Variants in RNF43 observed in about 807,000 individuals in gnomAD.
RNF43 encodes the protein ring finger protein 43.
Under a neutral mutation model 78.4 loss-of-function variants are expected in RNF43, and 37 were observed. The observed-to-expected ratio is 0.47, with a 90% CI of 0.36 to 0.62. The LOEUF (loss-of-function observed/expected upper bound fraction) is 0.62. Ranked by LOEUF, RNF43 falls within the 20% of genes least tolerant of loss-of-function variation. The pLI is 0.00. For missense variants in RNF43, 774 were observed against 1,007.9 expected, an observed-to-expected ratio of 0.77 and a Z score of 3.14; for synonymous variants, 347 against 395.0, an observed-to-expected ratio of 0.88 and a Z score of 1.44.
intron 2 of RNF43, among the ~76,000 whole-genome samples, chr17:58,374,931 G>A (rs1475434079): frequency 6.6e-6 from 1 of 152,046 alleles, no homozygotes; most frequent in African/African-American, 2.4e-5. Flanking sequence ...TGCTGTCTCT[G>A]GGATTGGAAC....
intron 2 of RNF43, among the ~76,000 whole-genome samples, chr17:58,389,587 A>G (rs1420656793): frequency 6.6e-6 from 1 of 152,192 alleles, no homozygotes; most frequent in Non-Finnish European, 1.5e-5. Flanking sequence ...GGAGGCCAAT[A>G]TGCAAAACTG....
At chr17:58,385,462 T>C (rs143571138) in intron 2 of RNF43, among the ~76,000 whole-genome samples, 51 of 152,326 alleles carry the variant, frequency 3.3e-4, no homozygotes, top group Non-Finnish European at 7.2e-4. Context: ...GAGCAAAGAC[T>C]ATGCCATCAC....
At chr17:58,363,132 G>T in intron 5 of RNF43, 143 bp downstream of exon 5, 2 of 1,018,002 alleles carry the variant, frequency 2.0e-6, no homozygotes, top group Non-Finnish European at 2.8e-6. Context: ...TTGCCCAGAG[G>T]CACACAGCTG....
chr17:58,403,643 C>T (rs1024135815), intron 2 of RNF43, among the ~76,000 whole-genome samples: 4 of 152,194 alleles, frequency 2.6e-5, no homozygotes, highest in South Asian at 2.1e-4. Flanking sequence ...TCTGGGAATA[C>T]ACAATGCAGA....
At chr17:58,407,010 C>T (rs1973922256) in intron 2 of RNF43, among the ~76,000 whole-genome samples, 1 of 146,634 alleles carries the variant, frequency 6.8e-6, no homozygotes, top group Non-Finnish European at 1.5e-5. Context: ...AAAGCAACAA[C>T]AACAAACAGG....
intron 2 of RNF43, chr17:58,402,741 G>A (rs1314014396): frequency 6.6e-6 from 1 of 152,174 alleles, no homozygotes; most frequent in Non-Finnish European, 1.5e-5. Flanking sequence ...ACTTAACATG[G>A]TGGTTGTGTC....
rs995358248 is a variant in RNF43, at chr17:58,358,467, G to A, written c.1309C>T (p.Arg437Trp). The A allele has an allele frequency of 1.1e-5, 17 of 1,613,806 alleles. No individual in the cohort carries two copies. The highest frequency in any genetic ancestry group is 4.5e-5 in the East Asian group (2 of 44,894). ...CCACTGCTGTCAGGGGGCCTGGCCC[G>A]GCGTAGGGGCACTGGGCAAGCAGCA... Reference protein sequence around the residue: ...HPAACPVPLRRARPPDSSGSG... With the variant: ...HPAACPVPLRWARPPDSSGSG... The change falls in exon 9 of 10, where the codon CGG becomes TGG. Residue 437 changes from arginine (R) to tryptophan (W), a missense_variant. By Grantham distance (101) the Arg-to-Trp change is moderately radical. Coordinates refer to ENST00000407977, the MANE Select transcript of RNF43 (RefSeq NM_017763.6). The surrounding 1 kb of genome is among the most constrained non-coding windows in gnomAD (Gnocchi z 6.2).
intron 2 of RNF43, among the ~76,000 whole-genome samples, chr17:58,409,727 A>G (rs1371477087): frequency 6.6e-6 from 1 of 152,068 alleles, no homozygotes. Context: ...TCTACAAAAA[A>G]TTGAAATATT....
At chr17:58,381,728 T>A (rs1445049399) in intron 2 of RNF43, among the ~76,000 whole-genome samples, 1 of 152,212 alleles carries the variant, frequency 6.6e-6, no homozygotes, top group African/African-American at 2.4e-5. Context: ...AAGTAAGATA[T>A]ATAAATAGCC....
intron 8 of RNF43, among the ~76,000 whole-genome samples, chr17:58,359,573 C>T (rs2143434054): frequency 6.6e-6 from 1 of 151,484 alleles, no homozygotes; most frequent in African/African-American, 2.4e-5. Flanking sequence ...CACTGCACTC[C>T]AGCCTGGGCG....
Position 58,354,944 on chromosome 17 carries a change from C to T in RNF43, c.2351G>A (p.Ter784=), listed in dbSNP as rs2143364688. The T allele has an allele frequency of 1.2e-6, 2 of 1,614,078 alleles. No homozygotes were observed. Among genetic ancestry groups the T allele is most frequent in the Non-Finnish European group, 1.7e-6 (2 of 1,179,920 alleles). Reference sequence around the variant, plus strand: ...TGGTTGGAGCTAGGCCTGAACATCTCACACAGCCTGTTCACACAGCTCCTC... The same window carrying T: ...TGGTTGGAGCTAGGCCTGAACATCTTACACAGCCTGTTCACACAGCTCCTC... ...ELEELCEQAV[*] is the part of the protein sequence containing the mutation. The change falls in exon 10 of 10, where the codon TGA becomes TAA. Residue 784 remains the stop codon, a stop_retained_variant. Coordinates refer to ENST00000407977, the MANE Select transcript of RNF43 (RefSeq NM_017763.6).
At chr17:58,370,060 GTTTTTT>G (rs56372311) in intron 3 of RNF43, among the ~76,000 whole-genome samples, 2 of 96,276 alleles carry the variant, frequency 2.1e-5, no homozygotes, top group Non-Finnish European at 4.0e-5. Flanking sequence ...GAAAATCTGA[GTTTTTT>G]TTTTTTTTTT....
chr17:58,399,109 A>C (rs915303582), intron 2 of RNF43, among the ~76,000 whole-genome samples: 16 of 152,244 alleles, frequency 1.1e-4, no homozygotes, highest in African/African-American at 3.6e-4. Flanking sequence ...ATGGTAATTC[A>C]GTTTGTTTCC....
chr17:58,357,374 T>C lies in RNF43; in HGVS notation c.2308+94A>G. On this transcript the variant is annotated intron_variant, in intron 9 of 9. Transcript: ENST00000407977. This position sits in a 1 kb window ranked among gnomAD's most constrained non-coding sequence, Gnocchi z 4.5. ...CATCTCTGCTGTATCCTTCTCAGCTTCCATCAACCCTTTGTTGGCTGACTT... is the reference window on the plus strand; with the variant it reads ...CATCTCTGCTGTATCCTTCTCAGCTCCCATCAACCCTTTGTTGGCTGACTT... 6.7e-7 allele frequency: 1 copy of C among 1,490,584 alleles called. No individual in the cohort carries two copies. The highest frequency in any genetic ancestry group is 9.4e-7 in the Non-Finnish European group (1 of 1,068,640). The allele number at this position is 1,490,584 out of a possible 1,614,324, so 92.3% of individuals were successfully genotyped here.
intron 2 of RNF43, among the ~76,000 whole-genome samples, chr17:58,376,703 A>G (rs1340866342): frequency 6.6e-6 from 1 of 152,182 alleles, no homozygotes; most frequent in Admixed American, 6.5e-5. Flanking sequence ...ATGAAGATGC[A>G]AACACGATTT....
chr17:58,407,069 A>ATT (rs35270032), intron 2 of RNF43, among the ~76,000 whole-genome samples: 2,416 of 74,202 alleles, frequency 0.033, 320 homozygotes, highest in East Asian at 0.046. Flanking sequence ...AGAGACCAGA[A>ATT]TTTTTTTTTT....
intron 3 of RNF43, among the ~76,000 whole-genome samples, 159 bp downstream of exon 3, chr17:58,370,752 T>A (rs1973075787): frequency 6.6e-6 from 1 of 152,068 alleles, no homozygotes; most frequent in Non-Finnish European, 1.5e-5. Flanking sequence ...AACAGAGGTG[T>A]GAATTTCCAC....
At position 58,387,143 on chromosome 17, in the gene RNF43, A is replaced by G. The variant is rs187137937; in HGVS notation, c.253-16110T>C. The stretch of plus-strand genomic sequence containing the variant: ...TCACACTAAGCACTCGTTAGAAACA[A>G]CCTCTGGAGGGATATCAGAATTTCA... On this transcript the variant is annotated intron_variant, in intron 2 of 9. Transcript: ENST00000407977. 4.6e-5 allele frequency among the ~76,000 whole-genome samples: 7 copies of G among 152,274 alleles called. No individual in the cohort carries two copies. In the South Asian group the frequency reaches 6.2e-4, roughly 14 times the overall value.
At chr17:58,397,368 TAA>T (rs1174977056) in intron 2 of RNF43, among the ~76,000 whole-genome samples, 2 of 152,182 alleles carry the variant, frequency 1.3e-5, no homozygotes, top group African/African-American at 4.8e-5. Context: ...TCGCTAATAA[TAA>T]AAGTTTTTGG....
Sources: allele counts gnomAD v4.1 joint callset (sites outside exome capture counted in the v4.1 genomes callset), GRCh38; gene constraint gnomAD v4.1.1; non-coding constraint Gnocchi (gnomAD v3.1); transcripts MANE v1.5; gene names NCBI Gene and HGNC (gene_info 2026-07-23, HGNC 2026-07-21).